Variants in SMURF2 observed in about 807,000 individuals in gnomAD.
SMURF2 encodes the protein SMAD specific E3 ubiquitin protein ligase 2, also known as E3 ubiquitin-protein ligase SMURF2.
A neutral mutation model predicts 109.6 loss-of-function variants in SMURF2; 48 were observed. That is an observed-to-expected ratio of 0.44 (90% CI 0.35 to 0.56). The LOEUF is 0.56. Ranked by LOEUF, SMURF2 falls within the 20% of genes least tolerant of loss-of-function variation. SMURF2 has a pLI of 0.01. For missense variants in SMURF2, 575 were observed against 909.0 expected, an observed-to-expected ratio of 0.63 and a Z score of 4.72; for synonymous variants, 288 against 317.1, an observed-to-expected ratio of 0.91 and a Z score of 0.97.
At chr17:64,651,352 C>A (rs1970637056) in intron 1 of SMURF2, among the ~76,000 whole-genome samples, 2 of 151,860 alleles carry the variant, frequency 1.3e-5, no homozygotes, top group Non-Finnish European at 2.9e-5. Context: ...GCGGGTGGAT[C>A]ATTTGATGTC....
intron 1 of SMURF2, among the ~76,000 whole-genome samples, chr17:64,631,168 G>T (rs1385567483): frequency 4.0e-5 from 6 of 150,214 alleles, no homozygotes; most frequent in African/African-American, 1.5e-4. Flanking sequence ...CGGGTGTGGT[G>T]GCGTGTGCCT....
In SMURF2 at chr17:64,581,102, G is replaced by T. The variant is rs1969573679; in HGVS notation, c.570-111C>A. On this transcript the variant is annotated intron_variant, in intron 7 of 18. Transcript: ENST00000262435. This position sits in a 1 kb window ranked among gnomAD's most constrained non-coding sequence, Gnocchi z 4.3. Reference sequence around the variant, plus strand: ...CAACCACTTATCATGTCTGAAAACAGAATGACTAATACAAGTATAATGACT... The same window carrying T: ...CAACCACTTATCATGTCTGAAAACATAATGACTAATACAAGTATAATGACT... 3.2e-6 allele frequency: 3 copies of T among 935,386 alleles called. No homozygotes were observed. The highest frequency in any genetic ancestry group is 4.9e-6 in the Non-Finnish European group (3 of 615,530). 57.9% of individuals were successfully genotyped at this position (935,386 alleles called of 1,614,324 possible). A position where few individuals can be genotyped will look rare whatever the true frequency, so the allele number is the denominator to read the frequency against.
At chr17:64,626,655 C>G (rs1188941299) in intron 1 of SMURF2, among the ~76,000 whole-genome samples, 1 of 151,968 alleles carries the variant, frequency 6.6e-6, no homozygotes, top group Non-Finnish European at 1.5e-5. Context: ...CCCAGATACT[C>G]AGGAGGCTGA....
chr17:64,643,357 G>A (rs1970515223), intron 1 of SMURF2, among the ~76,000 whole-genome samples: 1 of 152,246 alleles, frequency 6.6e-6, no homozygotes, highest in Non-Finnish European at 1.5e-5. Flanking sequence ...TTAATACAAT[G>A]AGAATTATGC....
At chr17:64,639,698 T>C (rs1970469413) in intron 1 of SMURF2, among the ~76,000 whole-genome samples, 1 of 152,192 alleles carries the variant, frequency 6.6e-6, no homozygotes. Flanking sequence ...AGAAGACACA[T>C]ATGCCTCCCT....
Position 64,581,083 on chromosome 17 carries a change from C to A in SMURF2, c.570-92G>T. 9.1e-7 allele frequency: 1 copy of A among 1,094,484 alleles called. No individual in the cohort carries two copies. Among genetic ancestry groups the A allele is most frequent in the Admixed American group, 2.1e-5 (1 of 48,442 alleles). 67.8% of individuals were successfully genotyped at this position (1,094,484 alleles called of 1,614,324 possible). A position where few individuals can be genotyped will look rare whatever the true frequency, so the allele number is the denominator to read the frequency against. ...TATATATATACTGCAGTAACAACCA[C>A]TTATCATGTCTGAAAACAGAATGAC... On this transcript the variant is annotated intron_variant, in intron 7 of 18. Transcript: ENST00000262435. This position sits in a 1 kb window ranked among gnomAD's most constrained non-coding sequence, Gnocchi z 4.3.
At chr17:64,598,281 T>C in intron 3 of SMURF2, 101 bp downstream of exon 3, 1 of 1,041,730 alleles carries the variant, frequency 9.6e-7, no homozygotes, top group Non-Finnish European at 1.3e-6. Flanking sequence ...GACCAAATTA[T>C]ACCACAGATG....
intron 4 of SMURF2, chr17:64,592,973 C>A (rs567696745): frequency 6.6e-6 from 1 of 152,184 alleles, no homozygotes; most frequent in African/African-American, 2.4e-5. Flanking sequence ...CTTACCCCTT[C>A]GTAATTGCCC....
intron 10 of SMURF2, among the ~76,000 whole-genome samples, chr17:64,564,536 G>T (rs75456054): frequency 9.5e-4 from 144 of 152,206 alleles, no homozygotes; most frequent in Non-Finnish European, 1.7e-3. Context: ...AAATTAAGGT[G>T]AGGTAAGATC....
At position 64,551,799 on chromosome 17, in the gene SMURF2, C is replaced by T. The variant is rs1170334089; in HGVS notation, c.1749-95G>A. 15 of 1,468,664 alleles carry T rather than the reference C, an allele frequency of 1.0e-5. No individual in the cohort carries two copies. The Admixed American group carries it at 2.3e-4, about 23-fold the overall frequency. 91.0% of individuals were successfully genotyped at this position (1,468,664 alleles called of 1,614,324 possible). A position where few individuals can be genotyped will look rare whatever the true frequency, so the allele number is the denominator to read the frequency against. Reference sequence around the variant, plus strand: ...TCTACTTTAGCAACACCGCATCTTACAAGCATCTAACATTAACGGTTTAGC... The same window carrying T: ...TCTACTTTAGCAACACCGCATCTTATAAGCATCTAACATTAACGGTTTAGC... On this transcript the variant is annotated intron_variant, in intron 15 of 18. Coordinates refer to ENST00000262435, the MANE Select transcript of SMURF2 (RefSeq NM_022739.4).
At chr17:64,574,232 C>T (rs943074766) in intron 9 of SMURF2, among the ~76,000 whole-genome samples, 1 of 152,022 alleles carries the variant, frequency 6.6e-6, no homozygotes, top group Non-Finnish European at 1.5e-5. Context: ...CAGTCATACA[C>T]GGGAGAGTGC....
chr17:64,553,567 AT>A (rs1969076755), intron 15 of SMURF2, among the ~76,000 whole-genome samples: 3 of 152,276 alleles, frequency 2.0e-5, no homozygotes, highest in South Asian at 2.1e-4. Context: ...TTCCTACATA[AT>A]TCTTCTAAGA....
chr17:64,565,081 T>A (rs1969281118), intron 10 of SMURF2, among the ~76,000 whole-genome samples: 1 of 152,312 alleles, frequency 6.6e-6, no homozygotes, highest in South Asian at 2.1e-4. Context: ...TAAGGCTGAT[T>A]TTAAAAAATC....
At chr17:64,629,229 G>C (rs1394950830) in intron 1 of SMURF2, among the ~76,000 whole-genome samples, 2 of 152,176 alleles carry the variant, frequency 1.3e-5, no homozygotes, top group Admixed American at 1.3e-4. Flanking sequence ...TTTAAGAAAA[G>C]TGTGTGTACA....
rs146338382 is a variant in SMURF2 at position 64,638,147 on chromosome 17, C to T, written c.52+23682G>A. Among the ~76,000 whole-genome samples the T allele has an allele frequency of 8.1e-3, 1,212 of 149,094 alleles. 10 individuals are homozygous for T. Among genetic ancestry groups the T allele is most frequent in the Middle Eastern group, 0.014 (4 of 290 alleles). On this transcript the variant is annotated intron_variant, in intron 1 of 18. Transcript: ENST00000262435. ...GCACGATCTTGGCGGCTCACTGCAA[C>T]CTCCACCTCCTGGGTTCAAGTGATT...
intron 1 of SMURF2, among the ~76,000 whole-genome samples, chr17:64,621,103 A>ACATTGT (rs1555690560): frequency 1.3e-5 from 2 of 152,226 alleles, no homozygotes; most frequent in African/African-American, 4.8e-5. Flanking sequence ...TGTTTCTGTA[A>ACATTGT]CATTGTAAAC....
intron 15 of SMURF2, among the ~76,000 whole-genome samples, chr17:64,552,215 C>T (rs1194658995): frequency 2.6e-5 from 4 of 152,070 alleles, no homozygotes; most frequent in African/African-American, 9.7e-5. Context: ...ATAGCAAGCA[C>T]TTTTTGATTA....
At position 64,639,834 on chromosome 17, in the gene SMURF2, T is replaced by C. The variant is rs1970470851; in HGVS notation, c.52+21995A>G. 3.3e-5 allele frequency among the ~76,000 whole-genome samples: 5 copies of C among 152,272 alleles called. No homozygotes were observed. The South Asian group carries it at 8.3e-4, about 25-fold the overall frequency. ...ACTGTTTGGCATCACATTAGGTAAA[T>C]GAAACACACACACAATCCCTGCCCT... On this transcript the variant is annotated intron_variant, in intron 1 of 18. Transcript: ENST00000262435.
At chr17:64,624,342 A>AT (rs1215712418) in intron 1 of SMURF2, among the ~76,000 whole-genome samples, 1 of 134,966 alleles carries the variant, frequency 7.4e-6, no homozygotes, top group Admixed American at 7.5e-5. Context: ...ATAAAAAAAA[A>AT]TTTTTTTTTG....
Sources: gnomAD v4.1 joint callset for allele counts (sites outside exome capture counted in the v4.1 genomes callset) on GRCh38, gnomAD v4.1.1 for gene constraint, Gnocchi (gnomAD v3.1) non-coding constraint, MANE v1.5 for transcripts, NCBI Gene and HGNC (gene_info 2026-07-23, HGNC 2026-07-21) for gene names.